The following RBFOX1 variants were observed in gnomAD, a reference collection of about 807,000 sequenced individuals.
RBFOX1 encodes RNA binding fox-1 homolog 1.
Under a neutral mutation model 57.7 loss-of-function variants are expected in RBFOX1, and 8 were observed. The observed-to-expected ratio is 0.14, with a 90% confidence interval of 0.08 to 0.25. The LOEUF is 0.25. Ranked by LOEUF, RBFOX1 falls within the 10% of genes least tolerant of loss-of-function variation. The pLI, the probability that RBFOX1 is intolerant of heterozygous loss-of-function variation, is 1.00. For synonymous variants in RBFOX1, 326 were observed against 222.4 expected (o/e 1.47, Z -4.15); for missense variants, 611 against 548.5 (o/e 1.11, Z -1.14).
intron 1 of RBFOX1, among the ~76,000 whole-genome samples, chr16:5,301,618 C>CAAAAAAAAAAAAAAAAAAAAAAAAAAAAA (rs60501583): frequency 1.1e-5 from 1 of 87,052 alleles, no homozygotes; most frequent in African/African-American, 4.6e-5. Flanking sequence ...GTCTCCATCT[C>CAAAAAAAAAAAAAAAAAAAAAAAAAAAAA]AAAAAAAAAA....
intron 3 of RBFOX1, among the ~76,000 whole-genome samples, chr16:6,901,094 C>T (rs1295882700): frequency 6.6e-6 from 1 of 152,098 alleles, no homozygotes; most frequent in African/African-American, 2.4e-5. Context: ...TGCCTCTCAC[C>T]CTGTATTGTA....
chr16:6,799,155 C>G (rs528869951), intron 3 of RBFOX1, among the ~76,000 whole-genome samples: 1 of 152,116 alleles, frequency 6.6e-6, no homozygotes, highest in East Asian at 1.9e-4. Context: ...GAGTTCTTAG[C>G]TTTGCTCAGG....
chr16:7,208,058 A>G (rs1026291135), intron 4 of RBFOX1, among the ~76,000 whole-genome samples: 2 of 152,218 alleles, frequency 1.3e-5, no homozygotes, highest in African/African-American at 4.8e-5. Context: ...GACTTTAGGC[A>G]ACATCAATCC....
At position 7,029,075 on chromosome 16, in the gene RBFOX1, TATATATAC is replaced by T. The variant is rs1362586048; in HGVS notation, c.-15-22980_-15-22973del. On this transcript the variant is annotated intron_variant, in intron 3 of 15. Coordinates refer to ENST00000550418, the MANE Select transcript of RBFOX1 (RefSeq NM_018723.4). Reference sequence around the variant, plus strand: ...ATATATATATATATATATATATATATATATATACACACACACACACACACACACACACA... The same window carrying T: ...ATATATATATATATATATATATATATACACACACACACACACACACACACA... Among the ~76,000 whole-genome samples the T allele has an allele frequency of 9.3e-4, 43 of 46,040 alleles. 2 individuals are homozygous for T. Among genetic ancestry groups the T allele is most frequent in the African/African-American group, 4.5e-3 (19 of 4,228 alleles). The allele number at this position is 46,040 out of a possible 152,430, so 30.2% of individuals were successfully genotyped here. A position where few individuals can be genotyped will look rare whatever the true frequency, so the allele number is the denominator to read the frequency against.
rs571121461 is a variant in RBFOX1, at chr16:7,392,258, G to A, written c.28-125889G>A. ...CCTCCCTCCCTGAATCCTCTAGGTT[G>A]GACAACTTTCCCCTGTAGTCCCCTT... On this transcript the variant is annotated intron_variant, in intron 4 of 15. Transcript: ENST00000550418. Among the ~76,000 whole-genome samples, 25 of 152,180 alleles carry A rather than the reference G, an allele frequency of 1.6e-4. No individual in the cohort carries two copies. In the South Asian group the frequency reaches 4.2e-3, roughly 25 times the overall value.
rs561070212 is a variant in RBFOX1 at position 6,466,115 on chromosome 16, G to C, written c.-64+149058G>C. Among the ~76,000 whole-genome samples the C allele has an allele frequency of 2.6e-5, 4 of 151,844 alleles. 1 individual carries two copies. The highest frequency in any genetic ancestry group is 9.7e-5 in the African/African-American group (4 of 41,388). On this transcript the variant is annotated intron_variant, in intron 2 of 15. Transcript: ENST00000550418. The stretch of plus-strand genomic sequence containing the variant: ...GTGGTGGTGGGCACCTGTAATCCCA[G>C]CTACTTGGGAGGCTGAGGCAGAAGA...
chr16:7,261,416 C>T (rs1027227701), intron 4 of RBFOX1, among the ~76,000 whole-genome samples: 1 of 152,116 alleles, frequency 6.6e-6, no homozygotes, highest in African/African-American at 2.4e-5. Flanking sequence ...TGGGGCCCAG[C>T]CTCTATTTGG....
intron 4 of RBFOX1, among the ~76,000 whole-genome samples, chr16:7,086,954 T>A (rs577339617): frequency 7.6e-4 from 115 of 152,142 alleles, no homozygotes; most frequent in African/African-American, 2.7e-3. Flanking sequence ...GTCCACACCC[T>A]GGCTGAGAGC....
chr16:5,416,826 C>G (rs923478175), intron 1 of RBFOX1, among the ~76,000 whole-genome samples: 6 of 152,066 alleles, frequency 3.9e-5, no homozygotes, highest in African/African-American at 9.7e-5. Flanking sequence ...TTGTTCTTAT[C>G]TACATTCAGT....
intron 7 of RBFOX1, among the ~76,000 whole-genome samples, chr16:7,591,058 G>A (rs1399452654): frequency 6.6e-6 from 1 of 152,126 alleles, no homozygotes; most frequent in African/African-American, 2.4e-5. Context: ...CTGCGGTGAT[G>A]GGAGAGGCCA....
chr16:6,533,150 C>A (rs1307244153), intron 2 of RBFOX1, among the ~76,000 whole-genome samples: 2 of 152,300 alleles, frequency 1.3e-5, no homozygotes, highest in Non-Finnish European at 2.9e-5. Context: ...AGTACAGGAA[C>A]AGGAAAGACA....
chr16:5,814,622 C>T (rs1411995091), intron 3 of RBFOX1, among the ~76,000 whole-genome samples: 1 of 152,206 alleles, frequency 6.6e-6, no homozygotes, highest in Admixed American at 6.5e-5. Flanking sequence ...ATCCTGCCAC[C>T]TGGCCATTTA....
chr16:6,136,508 C>G (rs1383205599), intron 1 of RBFOX1, among the ~76,000 whole-genome samples: 2 of 152,118 alleles, frequency 1.3e-5, no homozygotes, highest in East Asian at 1.9e-4. Flanking sequence ...TCTTTTCTGA[C>G]CATATTTTAG....
chr16:5,578,251 G>C (rs1193247955), intron 2 of RBFOX1, among the ~76,000 whole-genome samples: 1 of 152,108 alleles, frequency 6.6e-6, no homozygotes, highest in Non-Finnish European at 1.5e-5. Flanking sequence ...TGCCTGCCCT[G>C]GGGATTTGTG....
intron 4 of RBFOX1, among the ~76,000 whole-genome samples, chr16:5,993,232 G>T (rs1418509517): frequency 3.9e-5 from 6 of 152,154 alleles, no homozygotes; most frequent in Non-Finnish European, 7.3e-5. Flanking sequence ...GTTACTGGCT[G>T]GGCTCTGAGC....
chr16:5,684,164 C>T (rs1177466954), intron 3 of RBFOX1, among the ~76,000 whole-genome samples: 1 of 152,048 alleles, frequency 6.6e-6, no homozygotes, highest in African/African-American at 2.4e-5. Context: ...CATCCTATAT[C>T]TAAAAAGGAT....
rs540514611 is a variant in RBFOX1 at position 6,944,446 on chromosome 16, T to C, written c.-15-107611T>C. ...AAAAGAAAAAAGAAGACCACACCCTTGCTTGGCCACTTCCCTGCCTTACAT... is the reference window on the plus strand; with the variant it reads ...AAAAGAAAAAAGAAGACCACACCCTCGCTTGGCCACTTCCCTGCCTTACAT... On this transcript the variant is annotated intron_variant, in intron 3 of 15. Coordinates refer to ENST00000550418, the MANE Select transcript of RBFOX1 (RefSeq NM_018723.4). Among the ~76,000 whole-genome samples the C allele has an allele frequency of 2.0e-5, 3 of 152,010 alleles. No homozygotes were observed. In the South Asian group the frequency reaches 6.2e-4, roughly 32 times the overall value.
chr16:6,280,870 T>A (rs957740284), intron 1 of RBFOX1, among the ~76,000 whole-genome samples: 1 of 151,938 alleles, frequency 6.6e-6, no homozygotes, highest in Admixed American at 6.6e-5. Flanking sequence ...TCCTTTGAGA[T>A]TTTTTGTTAA....
chr16:6,038,685 AT>A (rs2095401820), intron 1 of RBFOX1: 1 of 149,292 alleles, frequency 6.7e-6, no homozygotes. Context: ...ATTAAGCAAA[AT>A]GAATAAAGTT....
Sources: gnomAD v4.1 joint callset for allele counts (sites outside exome capture counted in the v4.1 genomes callset) on GRCh38, gnomAD v4.1.1 for gene constraint, MANE v1.5 for transcripts, NCBI Gene and HGNC (gene_info 2026-07-23, HGNC 2026-07-21) for gene names.